SORBS2: variants seen among roughly 807,000 people sequenced by gnomAD.
SORBS2 encodes the protein sorbin and SH3 domain-containing protein 2.
SORBS2 carries 46 observed loss-of-function variants against 97.7 expected under a neutral mutation model. The ratio of observed to expected loss-of-function variants is 0.47; its 90% CI spans 0.37 to 0.60. The LOEUF is 0.60. SORBS2 is among the 20% of genes least tolerant of loss of function. SORBS2 has a pLI of 0.00. For missense variants in SORBS2, 1,316 were observed against 1,282.3 expected, an observed-to-expected ratio of 1.03 and a Z score of -0.40; for synonymous variants, 476 against 473.4, an observed-to-expected ratio of 1.01 and a Z score of -0.07.
intron 4 of SORBS2, chr4:185,676,919 A>G (rs917745250): frequency 3.7e-5 from 45 of 1,206,748 alleles, no homozygotes; most frequent in Non-Finnish European, 4.9e-5. Flanking sequence ...TAGGTCATAT[A>G]AGAAGCCCAA....
At chr4:185,643,314 C>T (rs543126652) in intron 4 of SORBS2, among the ~76,000 whole-genome samples, 11 of 152,110 alleles carry the variant, frequency 7.2e-5, no homozygotes, top group African/African-American at 1.7e-4. Flanking sequence ...CCCAGCAATG[C>T]GGGAATTGAA....
At chr4:185,878,603 A>C (rs887866154) in intron 1 of SORBS2, among the ~76,000 whole-genome samples, 5 of 152,106 alleles carry the variant, frequency 3.3e-5, no homozygotes, top group African/African-American at 1.2e-4. Flanking sequence ...TCCAATGCCA[A>C]GCCTCCACTC....
chr4:185,762,202 G>A (rs1489811085), intron 2 of SORBS2, among the ~76,000 whole-genome samples: 1 of 152,208 alleles, frequency 6.6e-6, no homozygotes. Context: ...GCTTGTCTAA[G>A]ATTCTAATTC....
chr4:185,704,143 C>T (rs2098305702), intron 2 of SORBS2, among the ~76,000 whole-genome samples: 1 of 152,152 alleles, frequency 6.6e-6, no homozygotes, highest in Admixed American at 6.5e-5. Flanking sequence ...TAGACTCTCA[C>T]TGAATTACCT....
intron 1 of SORBS2, among the ~76,000 whole-genome samples, chr4:185,788,552 G>A (rs139479657): frequency 2.4e-4 from 36 of 152,266 alleles, no homozygotes; most frequent in African/African-American, 7.5e-4. Context: ...GGAATTATTC[G>A]TACAAGGCTC....
At chr4:185,781,168 C>T (rs2099026947) in intron 1 of SORBS2, among the ~76,000 whole-genome samples, 1 of 152,022 alleles carries the variant, frequency 6.6e-6, no homozygotes, top group South Asian at 2.1e-4. Flanking sequence ...AACTCCTAAC[C>T]TCAGGTGATC....
intron 6 of SORBS2, among the ~76,000 whole-genome samples, chr4:185,624,771 C>T (rs1255962618): frequency 2.6e-5 from 4 of 152,198 alleles, no homozygotes; most frequent in Non-Finnish European, 5.9e-5. Context: ...GCAAATACAC[C>T]TACTCCTACT....
At chr4:185,726,642 T>G (rs540241316) in intron 2 of SORBS2, among the ~76,000 whole-genome samples, 2 of 151,090 alleles carry the variant, frequency 1.3e-5, no homozygotes, top group East Asian at 1.9e-4. Flanking sequence ...ATATATAATA[T>G]ATTTTGTTAC....
intron 1 of SORBS2, among the ~76,000 whole-genome samples, chr4:185,950,931 A>G (rs1002468754): frequency 1.1e-4 from 17 of 152,202 alleles, no homozygotes; most frequent in African/African-American, 3.9e-4. Flanking sequence ...ATGAACCCCT[A>G]TAAGTATTTC....
intron 4 of SORBS2, among the ~76,000 whole-genome samples, chr4:185,670,721 C>CCACA (rs2097700344): frequency 6.6e-6 from 1 of 151,920 alleles, no homozygotes; most frequent in African/African-American, 2.4e-5. Flanking sequence ...TACCTCCCAT[C>CCACA]CACACATCCT....
At chr4:185,854,370 G>A (rs1200561449) in intron 1 of SORBS2, among the ~76,000 whole-genome samples, 1 of 152,136 alleles carries the variant, frequency 6.6e-6, no homozygotes, top group African/African-American at 2.4e-5. Flanking sequence ...TCTTCTTGAG[G>A]GGAAGTAAGC....
intron 4 of SORBS2, among the ~76,000 whole-genome samples, chr4:185,668,182 C>A (rs1189935240): frequency 1.3e-5 from 2 of 152,180 alleles, no homozygotes; most frequent in East Asian, 3.9e-4. Flanking sequence ...TATCCTATGA[C>A]TTGAAACATG....
Position 185,643,095 on chromosome 4 carries a change from C to T in SORBS2, c.396+3573G>A, listed in dbSNP as rs77021088. ...CTGGTGGACCAGTCACAGCCCTCGC[C>T]TTCAAGAAGCTCAAGATCTCATGAG... On this transcript the variant is annotated intron_variant, in intron 4 of 14. Transcript: ENST00000418609. Among the ~76,000 whole-genome samples, 81 of 152,360 alleles carry T rather than the reference C, an allele frequency of 5.3e-4. No homozygotes were observed. In the East Asian group the frequency reaches 0.014, roughly 27 times the overall value.
At chr4:185,919,801 T>A (rs2099260122) in intron 1 of SORBS2, among the ~76,000 whole-genome samples, 2 of 152,260 alleles carry the variant, frequency 1.3e-5, no homozygotes, top group Admixed American at 6.5e-5. Flanking sequence ...TTCGCTCATA[T>A]CTTATTGTCC....
intron 4 of SORBS2, among the ~76,000 whole-genome samples, chr4:185,663,979 C>T (rs889611972): frequency 1.3e-5 from 2 of 150,914 alleles, no homozygotes; most frequent in African/African-American, 2.4e-5. Context: ...CTCAGCCTCC[C>T]GAGTAGTTGG....
intron 1 of SORBS2, among the ~76,000 whole-genome samples, chr4:185,792,073 T>A (rs1458122311): frequency 6.6e-6 from 1 of 152,252 alleles, no homozygotes. Flanking sequence ...GTTAAAAATT[T>A]GTTTTCTATT....
chr4:185,607,626 A>C lies in SORBS2; in HGVS notation c.2796+4154T>G, dbSNP rs529587258. Among the ~76,000 whole-genome samples the C allele has an allele frequency of 6.6e-6, 1 of 152,306 alleles. No individual in the cohort carries two copies. Among genetic ancestry groups the C allele is most frequent in the East Asian group, 1.9e-4 (1 of 5,182 alleles). ...TGGAAGGGGTCTTAAATGTCAAACA[A>C]GATAAAGATGATATAGAGATTACCA... On this transcript the variant is annotated intron_variant, in intron 12 of 14. Coordinates refer to ENST00000418609, the Ensembl canonical transcript of SORBS2. The surrounding 1 kb of genome is among the most constrained non-coding windows in gnomAD (Gnocchi z 5.2).
intron 12 of SORBS2, among the ~76,000 whole-genome samples, chr4:185,604,380 A>G (rs567395760): frequency 6.6e-6 from 1 of 152,300 alleles, no homozygotes; most frequent in South Asian, 2.1e-4. Flanking sequence ...GTTGATAAGA[A>G]TATTTAGGGA....
chr4:185,693,653 C>T (rs979602256), intron 2 of SORBS2, among the ~76,000 whole-genome samples: 4 of 152,108 alleles, frequency 2.6e-5, no homozygotes, highest in Non-Finnish European at 2.9e-5. Flanking sequence ...GGTTTTAAAA[C>T]GGAATGAGGA....
Sources: allele counts gnomAD v4.1 joint callset (sites outside exome capture counted in the v4.1 genomes callset), GRCh38; gene constraint gnomAD v4.1.1; non-coding constraint Gnocchi (gnomAD v3.1); transcripts MANE v1.5; gene names NCBI Gene and HGNC (gene_info 2026-07-23, HGNC 2026-07-21).